KIAA1614: variants seen among roughly 807,000 people sequenced by gnomAD.
KIAA1614 encodes KIAA1614.
KIAA1614 carries 76 observed loss-of-function variants against 88.7 expected under a neutral mutation model. The ratio of observed to expected loss-of-function variants is 0.86; its 90% CI spans 0.71 to 1.04. The LOEUF is 1.04. Among genes scored for constraint, KIAA1614 ranks in the 50% least tolerant of loss-of-function variants. KIAA1614 has a pLI of 0.00. For synonymous variants in KIAA1614, 714 were observed against 675.5 expected (o/e 1.06, Z -0.88); for missense variants, 1,553 against 1,582.5 (o/e 0.98, Z 0.32).
chr1:180,929,294 G>A (rs1571291895), intron 4 of KIAA1614, among the ~76,000 whole-genome samples: 1 of 152,168 alleles, frequency 6.6e-6, no homozygotes, highest in East Asian at 1.9e-4. Context: ...TTTGTTGCAG[G>A]GGTGTGGGAG....
chr1:180,927,183 C>T (rs1381482919), intron 3 of KIAA1614, among the ~76,000 whole-genome samples: 2 of 152,168 alleles, frequency 1.3e-5, no homozygotes, highest in Non-Finnish European at 2.9e-5. Context: ...GGTCCCTTCC[C>T]CCAGTCAGGA....
chr1:180,920,440 G>A (rs1294165128), intron 3 of KIAA1614, among the ~76,000 whole-genome samples: 3 of 152,186 alleles, frequency 2.0e-5, no homozygotes, highest in African/African-American at 7.2e-5. Context: ...TGGCCACCCC[G>A]AAGGGGGCCC....
chr1:180,914,919 G>T (rs12069159), intron 1 of KIAA1614, among the ~76,000 whole-genome samples: 1 of 150,814 alleles, frequency 6.6e-6, no homozygotes, highest in Non-Finnish European at 1.5e-5. Context: ...CACCCGCCTC[G>T]GCCTCCCAAA....
chr1:180,915,476 C>T (rs1653769064), intron 1 of KIAA1614, among the ~76,000 whole-genome samples: 1 of 152,216 alleles, frequency 6.6e-6, no homozygotes, highest in Admixed American at 6.5e-5. Flanking sequence ...CTCTGGTCCA[C>T]ATTTGGCATA....
intron 6 of KIAA1614, among the ~76,000 whole-genome samples, chr1:180,940,381 A>C (rs978798477): frequency 6.6e-6 from 1 of 152,138 alleles, no homozygotes; most frequent in Non-Finnish European, 1.5e-5. Flanking sequence ...TGTGCCTGCA[A>C]TCCCAGCTAG....
intron 8 of KIAA1614, 155 bp downstream of exon 8, chr1:180,944,671 G>A (rs1432683598): frequency 3.7e-5 from 29 of 781,762 alleles, no homozygotes; most frequent in African/African-American, 7.0e-5. Context: ...AGGCTGCCAC[G>A]GGAGTCTCAG....
chr1:180,948,676 C>T lies in KIAA1614; in HGVS notation c.*3088C>T, dbSNP rs1254583331. ...CCTCCCCGTGCCACCAACCCGTAGA[C>T]AGGGAGGGCAAGCAGTGAAAGGTCC... On this transcript the variant is annotated 3_prime_UTR_variant, in exon 9 of 9. Coordinates refer to ENST00000367588, the MANE Select transcript of KIAA1614 (RefSeq NM_020950.2). The T allele has an allele frequency of 6.6e-6, 1 of 152,284 alleles. No homozygotes were observed. The highest frequency in any genetic ancestry group is 1.5e-5 in the Non-Finnish European group (1 of 68,096). 9.4% of individuals were successfully genotyped at this position (152,284 alleles called of 1,614,324 possible).
intron 7 of KIAA1614, among the ~76,000 whole-genome samples, chr1:180,942,683 G>T (rs909982267): frequency 6.6e-6 from 1 of 152,208 alleles, no homozygotes; most frequent in Non-Finnish European, 1.5e-5. Flanking sequence ...TATCCAAAGC[G>T]TGTCTGAGCC....
Position 180,936,402 on chromosome 1 carries a change from C to T in KIAA1614, c.2493C>T (p.Leu831=), listed in dbSNP as rs1310451002. ...SHRKAALAGL[L]RLGDQTEPVG... Reference sequence around the variant, plus strand: ...GGAAGGCAGCCCTGGCTGGACTGCTCAGGCTGGGTGACCAGACAGAGCCTG... The same window carrying T: ...GGAAGGCAGCCCTGGCTGGACTGCTTAGGCTGGGTGACCAGACAGAGCCTG... The change falls in exon 5 of 9, where the codon CTC becomes CTT. Residue 831 remains leucine, a synonymous_variant. Coordinates refer to ENST00000367588, the MANE Select transcript of KIAA1614 (RefSeq NM_020950.2). The T allele has an allele frequency of 9.9e-6, 16 of 1,614,104 alleles. No individual in the cohort carries two copies. The highest frequency in any genetic ancestry group is 4.4e-5 in the South Asian group (4 of 91,094).
In KIAA1614 at chr1:180,950,478, C is replaced by A; in HGVS notation, c.*4890C>A. On this transcript the variant is annotated 3_prime_UTR_variant, in exon 9 of 9. Coordinates refer to ENST00000367588, the MANE Select transcript of KIAA1614 (RefSeq NM_020950.2). ...TTGGCTCACATTAAGGAGCTCCTGG[C>A]CCACTCAGAGAGCTTGTCAATCCGT... 4 of 1,152,136 alleles carry A rather than the reference C, an allele frequency of 3.5e-6. No individual in the cohort carries two copies. The highest frequency in any genetic ancestry group is 4.4e-6 in the Non-Finnish European group (4 of 919,282). 71.4% of individuals were successfully genotyped at this position (1,152,136 alleles called of 1,614,324 possible). A position where few individuals can be genotyped will look rare whatever the true frequency, so the allele number is the denominator to read the frequency against.
intron 3 of KIAA1614, among the ~76,000 whole-genome samples, chr1:180,925,482 C>G (rs912340402): frequency 1.3e-5 from 2 of 152,234 alleles, no homozygotes; most frequent in African/African-American, 2.4e-5. Context: ...ATCCATGTAC[C>G]TGAGTTGAAA....
At position 180,950,281 on chromosome 1, in the gene KIAA1614, C is replaced by A; in HGVS notation, c.*4693C>A. ...CACCTCATCAACATGGTCAGCATTC[C>A]AGAGATGCACTTCTTCGATTTGGGT... On this transcript the variant is annotated 3_prime_UTR_variant, in exon 9 of 9. Coordinates refer to ENST00000367588, the MANE Select transcript of KIAA1614 (RefSeq NM_020950.2). 1.8e-6 allele frequency: 2 copies of A among 1,101,130 alleles called. No individual in the cohort carries two copies. The highest frequency in any genetic ancestry group is 2.3e-6 in the Non-Finnish European group (2 of 877,622). The allele number at this position is 1,101,130 out of a possible 1,614,324, so 68.2% of individuals were successfully genotyped here. A position where few individuals can be genotyped will look rare whatever the true frequency, so the allele number is the denominator to read the frequency against.
chr1:180,917,554 A>G (rs1179083708), intron 2 of KIAA1614, among the ~76,000 whole-genome samples: 2 of 151,968 alleles, frequency 1.3e-5, no homozygotes, highest in Non-Finnish European at 1.5e-5. Flanking sequence ...AATGGGATGT[A>G]CAAGTGTCCA....
At chr1:180,932,531 T>C (rs917873512) in intron 4 of KIAA1614, among the ~76,000 whole-genome samples, 1 of 152,220 alleles carries the variant, frequency 6.6e-6, no homozygotes, top group Admixed American at 6.5e-5. Flanking sequence ...ATATTGTGCG[T>C]CCTTGGCATA....
chr1:180,926,205 A>C (rs771107052), intron 3 of KIAA1614, among the ~76,000 whole-genome samples: 2 of 152,202 alleles, frequency 1.3e-5, no homozygotes, highest in Non-Finnish European at 2.9e-5. Flanking sequence ...GGAGGTGGGC[A>C]GTGAGATGGG....
intron 3 of KIAA1614, among the ~76,000 whole-genome samples, chr1:180,927,397 C>T (rs188825406): frequency 9.8e-4 from 149 of 152,350 alleles, no homozygotes; most frequent in Admixed American, 2.9e-3. Context: ...ACAGAGGGTG[C>T]GGAACGATGC....
chr1:180,928,484 G>A lies in KIAA1614; in HGVS notation c.1116G>A (p.Thr372=), dbSNP rs561480398. ...TGAGCCCCAGGCATGAGGAAGCCACGCATCTGCTGCAGCGTGCCCGCATGA... is the reference window on the plus strand; with the variant it reads ...TGAGCCCCAGGCATGAGGAAGCCACACATCTGCTGCAGCGTGCCCGCATGA... ...PVLSPRHEEA[T]HLLQRARMKA... The change falls in exon 4 of 9, where the codon ACG becomes ACA. Residue 372 remains threonine (T), a synonymous_variant. Transcript: ENST00000367588. The A allele has an allele frequency of 1.8e-5, 29 of 1,613,238 alleles. No individual in the cohort carries two copies. The highest frequency in any genetic ancestry group is 6.7e-5 in the Admixed American group (4 of 60,012).
In KIAA1614 at chr1:180,944,389, G is replaced by A. The variant is rs1200943803; in HGVS notation, c.3160G>A (p.Val1054Met). Residue 1054 changes from valine (V) to methionine (M), a missense_variant and splice_region_variant, in exon 8 of 9, where the codon GTG (valine) becomes ATG (methionine). Val to Met is a conservative substitution (Grantham distance 21). Transcript: ENST00000367588. ...RAPSLQSLHP[V>M]SPSHQRRKAA... ...CGCAATATTGTCCCTTTCTCATCAG[G>A]TGTCACCCTCTCACCAGCGTCGGAA... 4 of 1,613,274 alleles carry A rather than the reference G, an allele frequency of 2.5e-6. No individual in the cohort carries two copies. The highest frequency in any genetic ancestry group is 2.2e-5 in the South Asian group (2 of 91,016).
intron 3 of KIAA1614, among the ~76,000 whole-genome samples, chr1:180,921,451 G>A (rs1653950522): frequency 2.6e-5 from 4 of 152,182 alleles, no homozygotes; most frequent in Admixed American, 2.6e-4. Context: ...AGAGACCTCT[G>A]TGGCGGGGGG....
Sources: gnomAD v4.1 joint callset for allele counts (sites outside exome capture counted in the v4.1 genomes callset) on GRCh38, gnomAD v4.1.1 for gene constraint, MANE v1.5 for transcripts, NCBI Gene and HGNC (gene_info 2026-07-23, HGNC 2026-07-21) for gene names.